The following FBXO46 variants were observed in gnomAD, a reference collection of about 807,000 sequenced individuals.
FBXO46 encodes F-box only protein 46.
A neutral mutation model predicts 30.7 loss-of-function variants in FBXO46; 13 were observed. The ratio of observed to expected loss-of-function variants is 0.42; its 90% CI spans 0.28 to 0.67. FBXO46 has a LOEUF of 0.67. Ranked by LOEUF, FBXO46 falls within the 30% of genes least tolerant of loss-of-function variation. The pLI is 0.21. For synonymous variants in FBXO46, 467 were observed against 385.8 expected, an observed-to-expected ratio of 1.21 and a Z score of -2.47; for missense variants, 754 against 871.5, an observed-to-expected ratio of 0.87 and a Z score of 1.70.
intron 1 of FBXO46, among the ~76,000 whole-genome samples, 195 bp downstream of exon 1, chr19:45,730,654 C>A (rs1968296079): frequency 6.6e-6 from 1 of 152,082 alleles, no homozygotes; most frequent in Non-Finnish European, 1.5e-5. Flanking sequence ...CCACTCCCAC[C>A]CCACCTCCAA....
At chr19:45,719,914 GTGT>G (rs900580811) in intron 1 of FBXO46, among the ~76,000 whole-genome samples, 4 of 152,144 alleles carry the variant, frequency 2.6e-5, no homozygotes, top group African/African-American at 7.2e-5. Flanking sequence ...TTTTAATTTC[GTGT>G]TGAAGATAAG....
At chr19:45,731,183 G>C (rs975632362), upstream of FBXO46, among the ~76,000 whole-genome samples, 1 of 152,214 alleles carries the variant, frequency 6.6e-6, no homozygotes, top group African/African-American at 2.4e-5. Flanking sequence ...GAAGGGAATT[G>C]AGAATATTGC....
intron 1 of FBXO46, among the ~76,000 whole-genome samples, chr19:45,724,289 G>A (rs758362167): frequency 6.6e-6 from 1 of 152,166 alleles, no homozygotes. Context: ...AATTCAATGA[G>A]GGCTGGAGAC....
At chr19:45,720,386 G>A (rs1430397269) in intron 1 of FBXO46, among the ~76,000 whole-genome samples, 1 of 152,010 alleles carries the variant, frequency 6.6e-6, no homozygotes, top group Non-Finnish European at 1.5e-5. Flanking sequence ...CCCCACCTTG[G>A]CCTCCCAAAG....
At position 45,711,660 on chromosome 19, in the gene FBXO46, G is replaced by A. The variant is rs1199802091; in HGVS notation, c.*24C>T. ...GAGAGGGGAGGGGTGGGCGTGGTGGGCTCTCCCCTCCCCTCCCCCGGCTTC... is the reference window on the plus strand; with the variant it reads ...GAGAGGGGAGGGGTGGGCGTGGTGGACTCTCCCCTCCCCTCCCCCGGCTTC... On this transcript the variant is annotated 3_prime_UTR_variant, in exon 2 of 2. Coordinates refer to ENST00000317683, the MANE Select transcript of FBXO46 (RefSeq NM_001080469.2). 1.3e-6 allele frequency: 2 copies of A among 1,505,524 alleles called. No individual in the cohort carries two copies. The highest frequency in any genetic ancestry group is 2.8e-5 in the African/African-American group (2 of 72,324). The allele number at this position is 1,505,524 out of a possible 1,614,324, so 93.3% of individuals were successfully genotyped here.
intron 1 of FBXO46, among the ~76,000 whole-genome samples, chr19:45,722,563 C>T (rs1968186985): frequency 6.6e-6 from 1 of 151,974 alleles, no homozygotes; most frequent in Admixed American, 6.6e-5. Context: ...GAGATCGAGA[C>T]CATCCTGGCT....
rs1481686923 is a variant in FBXO46 at position 45,712,323 on chromosome 19, C to T, written c.1173G>A (p.Glu391=). Residue 391 remains glutamate (E), a synonymous_variant, in exon 2 of 2, where the codon GAG becomes GAA. Coordinates refer to ENST00000317683, the MANE Select transcript of FBXO46 (RefSeq NM_001080469.2). The surrounding 1 kb of genome is among the most constrained non-coding windows in gnomAD (Gnocchi z 8.8). ...CCGGGCTGACCGTCAGGCACACAGT[C>T]TCCTCCTTCACGTTCTTGGTGCCGT... ...GKDGTKNVKE[E]TVCLTVSPEE... 3.1e-6 allele frequency: 5 copies of T among 1,601,686 alleles called. No homozygotes were observed. The highest frequency in any genetic ancestry group is 4.2e-6 in the Non-Finnish European group (5 of 1,179,614).
chr19:45,712,782 C>T lies in FBXO46; in HGVS notation c.714G>A (p.Arg238=). ...GGAGGCCCTTGGTGGGAGGGCTGTC[C>T]CTCTGCGCTTCAAAGTGGGCCACGG... ...AEAVAHFEAQ[R]DSPPTKGLRK... Residue 238 remains arginine (R), a synonymous_variant, in exon 2 of 2, where the codon AGG becomes AGA. Coordinates refer to ENST00000317683, the MANE Select transcript of FBXO46 (RefSeq NM_001080469.2). This position sits in a 1 kb window ranked among gnomAD's most constrained non-coding sequence, Gnocchi z 8.8. The T allele has an allele frequency of 6.2e-7, 1 of 1,611,420 alleles. No homozygotes were observed. The highest frequency in any genetic ancestry group is 8.5e-7 in the Non-Finnish European group (1 of 1,178,704).
At chr19:45,726,877 G>A (rs1052346066) in intron 1 of FBXO46, among the ~76,000 whole-genome samples, 13 of 152,068 alleles carry the variant, frequency 8.5e-5, no homozygotes, top group African/African-American at 2.9e-4. Flanking sequence ...TACACCCCAG[G>A]CATTTTATAT....
intron 1 of FBXO46, among the ~76,000 whole-genome samples, chr19:45,725,481 T>A (rs1260485523): frequency 6.6e-6 from 1 of 152,206 alleles, no homozygotes; most frequent in South Asian, 2.1e-4. Context: ...GGCTCACACC[T>A]GTAATCCCAG....
rs558715487 is a variant in FBXO46 at position 45,711,631 on chromosome 19, G to A, written c.*53C>T. Reference sequence around the variant, plus strand: ...GCCCAGTCCGGACCCTCGGCTCCCGGGGGGAGAGGGGAGGGGTGGGCGTGG... The same window carrying A: ...GCCCAGTCCGGACCCTCGGCTCCCGAGGGGAGAGGGGAGGGGTGGGCGTGG... On this transcript the variant is annotated 3_prime_UTR_variant, in exon 2 of 2. Coordinates refer to ENST00000317683, the MANE Select transcript of FBXO46 (RefSeq NM_001080469.2). 7.2e-6 allele frequency: 10 copies of A among 1,387,778 alleles called. No individual in the cohort carries two copies. In the South Asian group the frequency reaches 1.2e-4, roughly 17 times the overall value. 86.0% of individuals were successfully genotyped at this position (1,387,778 alleles called of 1,614,324 possible). A position where few individuals can be genotyped will look rare whatever the true frequency, so the allele number is the denominator to read the frequency against.
chr19:45,726,947 T>C (rs1968247591), intron 1 of FBXO46, among the ~76,000 whole-genome samples: 1 of 152,034 alleles, frequency 6.6e-6, no homozygotes, highest in South Asian at 2.1e-4. Context: ...TTAAATGTGG[T>C]CCCATTTTTA....
chr19:45,716,299 G>A (rs1302217605), intron 1 of FBXO46: 1 of 152,158 alleles, frequency 6.6e-6, no homozygotes, highest in Non-Finnish European at 1.5e-5. Context: ...CAGGGAGGCA[G>A]GCTAACACAG....
At chr19:45,720,074 G>A (rs1362273363) in intron 1 of FBXO46, among the ~76,000 whole-genome samples, 7 of 151,926 alleles carry the variant, frequency 4.6e-5, no homozygotes, top group Non-Finnish European at 8.8e-5. Context: ...TCGCCTCAAC[G>A]CAGCCTCAAT....
At position 45,713,587 on chromosome 19, in the gene FBXO46, G is replaced by A. The variant is rs1252251543; in HGVS notation, c.-78-14C>T. 5 of 1,099,036 alleles carry A rather than the reference G, an allele frequency of 4.5e-6. No individual in the cohort carries two copies. In the Admixed American group the frequency reaches 1.1e-4, roughly 25 times the overall value. 68.1% of individuals were successfully genotyped at this position (1,099,036 alleles called of 1,614,324 possible). On this transcript the variant is annotated splice_polypyrimidine_tract_variant and intron_variant, in intron 1 of 1. Transcript: ENST00000317683. The surrounding 1 kb of genome is among the most constrained non-coding windows in gnomAD (Gnocchi z 4.7). ...TCCACATGCCACCTGGAGACACGAA[G>A]AGGAGGTTGGGGAGCTAGGGGGACA...
In FBXO46 at chr19:45,713,573, C is replaced by G; in HGVS notation, c.-78G>C. ...TGGTGGTGGGAGGCTCCACATGCCA[C>G]CTGGAGACACGAAGAGGAGGTTGGG... is the stretch of plus-strand genomic sequence containing the variant. On this transcript the variant is annotated splice_region_variant and 5_prime_UTR_variant, in exon 2 of 2. Transcript: ENST00000317683. This position sits in a 1 kb window ranked among gnomAD's most constrained non-coding sequence, Gnocchi z 4.7. The G allele has an allele frequency of 8.2e-7, 1 of 1,215,246 alleles. No individual in the cohort carries two copies. The highest frequency in any genetic ancestry group is 1.1e-6 in the Non-Finnish European group (1 of 878,432). The allele number at this position is 1,215,246 out of a possible 1,614,324, so 75.3% of individuals were successfully genotyped here. A position where few individuals can be genotyped will look rare whatever the true frequency, so the allele number is the denominator to read the frequency against.
chr19:45,712,924 G>T lies in FBXO46; in HGVS notation c.572C>A (p.Pro191Gln). Residue 191 changes from proline to glutamine, a missense_variant, in exon 2 of 2, where the codon CCA (proline) becomes CAA (glutamine). Pro to Gln is a moderately conservative substitution (Grantham distance 76). Coordinates refer to ENST00000317683, the MANE Select transcript of FBXO46 (RefSeq NM_001080469.2). This position sits in a 1 kb window ranked among gnomAD's most constrained non-coding sequence, Gnocchi z 8.8. ...QRAALALQSYPRPTTPAPVVF... is the reference protein window; with the variant it reads ...QRAALALQSYQRPTTPAPVVF... ...TACAGGCGCTGGGGTGGTCGGTCGT[G>T]GGTAGCTCTGCAGGGCCAGGGCTGC... The T allele has an allele frequency of 6.2e-7, 1 of 1,606,156 alleles. No homozygotes were observed.
chr19:45,712,618 C>A lies in FBXO46; in HGVS notation c.878G>T (p.Ser293Ile). ...CTTGGCTCGGGCCCCAGGACCTGGG[C>A]TGCCAGGGTAGGCACAACCAGGCCT... is the stretch of plus-strand genomic sequence containing the variant. ...GGRPGCAYPG[S>I]PGPGARAKDK... Residue 293 changes from serine (S) to isoleucine (I), a missense_variant, in exon 2 of 2, where the codon AGC becomes ATC. Around this residue, in one of 5 missense-constraint regions of FBXO46, gnomAD observed 454 missense variants for 426.5 expected, o/e 1.06. Transcript: ENST00000317683. This position sits in a 1 kb window ranked among gnomAD's most constrained non-coding sequence, Gnocchi z 8.8. 6.3e-7 allele frequency: 1 copy of A among 1,597,188 alleles called. No homozygotes were observed.
At position 45,711,679 on chromosome 19, in the gene FBXO46, C is replaced by T. The variant is rs1201443317; in HGVS notation, c.*5G>A. The T allele has an allele frequency of 1.1e-5, 17 of 1,525,346 alleles. No homozygotes were observed. Among genetic ancestry groups the T allele is most frequent in the East Asian group, 2.5e-5 (1 of 40,688 alleles). The allele number at this position is 1,525,346 out of a possible 1,614,324, so 94.5% of individuals were successfully genotyped here. A position where few individuals can be genotyped will look rare whatever the true frequency, so the allele number is the denominator to read the frequency against. On this transcript the variant is annotated 3_prime_UTR_variant, in exon 2 of 2. Coordinates refer to ENST00000317683, the MANE Select transcript of FBXO46 (RefSeq NM_001080469.2). Reference sequence around the variant, plus strand: ...TGGTGGGCTCTCCCCTCCCCTCCCCCGGCTTCACCTCCCCTCCTCCCGGCC... The same window carrying T: ...TGGTGGGCTCTCCCCTCCCCTCCCCTGGCTTCACCTCCCCTCCTCCCGGCC...
Sources: allele counts gnomAD v4.1 joint callset (sites outside exome capture counted in the v4.1 genomes callset), GRCh38; gene constraint gnomAD v4.1.1; regional missense constraint gnomAD v4.1.1; non-coding constraint Gnocchi (gnomAD v3.1); transcripts MANE v1.5; gene names NCBI Gene and HGNC (gene_info 2026-07-23, HGNC 2026-07-21).